Variants in ATRX observed in about 807,000 individuals in gnomAD.
The protein encoded by ATRX is chromatin remodeler ATRX.
In ATRX, 12 loss-of-function variants were observed where a neutral mutation model predicts 172.6. The ratio of observed to expected loss-of-function variants is 0.07; its 90% CI spans 0.04 to 0.11. ATRX has a LOEUF of 0.11. ATRX is among the 10% of genes least tolerant of loss of function. The pLI, the probability that ATRX is intolerant of heterozygous loss-of-function variation, is 1.00. For synonymous variants in ATRX, 674 were observed against 594.7 expected, an observed-to-expected ratio of 1.13 and a Z score of -1.94; for missense variants, 1,368 against 1,767.4, an observed-to-expected ratio of 0.77 and a Z score of 4.05.
intron 30 of ATRX, among the ~76,000 whole-genome samples, chrX:77,539,779 C>T (rs2063898849): frequency 8.9e-6 from 1 of 111,750 alleles, no homozygotes; most frequent in African/African-American, 3.3e-5. Flanking sequence ...GAGATTTTGT[C>T]ACCACCAGGC....
In ATRX at chrX:77,508,415, A is replaced by G; in HGVS notation, c.7415T>C (p.Leu2472Ser). 1 of 1,211,605 alleles carries G rather than the reference A, an allele frequency of 8.3e-7. No homozygotes were observed. The highest frequency in any genetic ancestry group is 1.1e-6 in the Non-Finnish European group (1 of 895,307). The change falls in exon 35 of 35, where the codon TTA becomes TCA. Residue 2472 changes from leucine to serine, a missense_variant. Coordinates refer to ENST00000373344, the MANE Select transcript of ATRX (RefSeq NM_000489.6). ...PVAGGMQPPPLQRAPPPMRSK... is the reference protein window; with the variant it reads ...PVAGGMQPPPSQRAPPPMRSK... The stretch of plus-strand genomic sequence containing the variant: ...TCTCATTGGGGGTGGTGCACGCTGT[A>G]ATGGTGGTGGCTGCATACCACCAGC...
intron 1 of ATRX, among the ~76,000 whole-genome samples, chrX:77,770,044 A>C (rs951981966): frequency 9.0e-6 from 1 of 111,023 alleles, no homozygotes; most frequent in African/African-American, 3.3e-5. Context: ...AGATTGTGCC[A>C]ATGCACTCCA....
At chrX:77,546,803 C>A (rs2064259417) in intron 30 of ATRX, among the ~76,000 whole-genome samples, 1 of 112,039 alleles carries the variant, frequency 8.9e-6, no homozygotes, top group Non-Finnish European at 1.9e-5. Context: ...CATTTTTAAT[C>A]AAGCCACCAG....
intron 1 of ATRX, among the ~76,000 whole-genome samples, chrX:77,753,363 TCTTTATTAGTCTGG>T (rs2075371399): frequency 9.0e-6 from 1 of 111,560 alleles, no homozygotes; most frequent in African/African-American, 3.3e-5. Flanking sequence ...TCTCTTTTCT[TCTTTATTAGTCTGG>T]CTCATGGTCT....
At chrX:77,612,708 A>G (rs2067208277) in intron 22 of ATRX, among the ~76,000 whole-genome samples, 1 of 111,876 alleles carries the variant, frequency 8.9e-6, no homozygotes, top group African/African-American at 3.2e-5. Flanking sequence ...GAACTTTTTC[A>G]TCATTCCAAA....
At chrX:77,671,884 T>C (rs1365085451) in intron 10 of ATRX, among the ~76,000 whole-genome samples, 2 of 110,727 alleles carry the variant, frequency 1.8e-5, no homozygotes, top group Non-Finnish European at 3.8e-5. Context: ...ATCTTGACCA[T>C]AGAAGGACAA....
At chrX:77,633,539 T>C in intron 18 of ATRX, 27 bp downstream of exon 18, 1 of 1,185,818 alleles carries the variant, frequency 8.4e-7, no homozygotes, top group Non-Finnish European at 1.1e-6. Flanking sequence ...ACTATTTTAA[T>C]AATAGAAAAC....
rs1603148139 is a variant in ATRX at position 77,664,657 on chromosome X, G to A, written c.3931C>T (p.Pro1311Ser). The A allele has an allele frequency of 4.1e-6, 5 of 1,210,602 alleles. No individual in the cohort carries two copies. Among genetic ancestry groups the A allele is most frequent in the Non-Finnish European group, 5.6e-6 (5 of 894,989 alleles). ...CTGGGGAGCTCACCCTCATCTCCTG[G>A]GTTTTCTTCATTTTGTTTTCCAGTT... ...KRTGKQNEEN[P>S]GDEEAKNQVN... The change falls in exon 11 of 35, where the codon CCA becomes TCA. Residue 1311 changes from proline to serine, a missense_variant. Transcript: ENST00000373344.
intron 27 of ATRX, among the ~76,000 whole-genome samples, chrX:77,582,127 C>T (rs187758429): frequency 2.6e-4 from 29 of 111,362 alleles, no homozygotes; most frequent in Middle Eastern, 4.7e-3. Flanking sequence ...AGGCTGGTCG[C>T]GGTGGCTCAT....
intron 30 of ATRX, among the ~76,000 whole-genome samples, chrX:77,525,960 C>T: frequency 8.9e-6 from 1 of 112,190 alleles, no homozygotes; most frequent in East Asian, 2.8e-4. Flanking sequence ...TACACAAACT[C>T]ATATACAGCC....
At chrX:77,548,137 C>T (rs1163187069) in intron 30 of ATRX, among the ~76,000 whole-genome samples, 1 of 111,470 alleles carries the variant, frequency 9.0e-6, no homozygotes, top group African/African-American at 3.3e-5. Flanking sequence ...CCTAAGATTA[C>T]ATCTGAAAAG....
At chrX:77,727,095 G>A (rs891613390) in intron 1 of ATRX, among the ~76,000 whole-genome samples, 8 of 111,446 alleles carry the variant, frequency 7.2e-5, no homozygotes, top group South Asian at 3.8e-4. Flanking sequence ...AGCATCACTG[G>A]TCATTAGAGA....
At chrX:77,596,493 G>A (rs1335949937) in intron 25 of ATRX, 2 of 110,100 alleles carry the variant, frequency 1.8e-5, no homozygotes, top group Non-Finnish European at 3.8e-5. Context: ...TACTATACAC[G>A]TATATAAGCT....
At chrX:77,639,464 C>T (rs2068548620) in intron 15 of ATRX, among the ~76,000 whole-genome samples, 1 of 111,677 alleles carries the variant, frequency 9.0e-6, no homozygotes, top group East Asian at 2.8e-4. Flanking sequence ...ATCTTAATTT[C>T]GGCTTGGTGG....
At chrX:77,737,315 C>T (rs1468468636) in intron 1 of ATRX, among the ~76,000 whole-genome samples, 3 of 104,617 alleles carry the variant, frequency 2.9e-5, no homozygotes, top group Admixed American at 2.1e-4. Flanking sequence ...CCCAGCTACT[C>T]GGGAGGCTGA....
At chrX:77,754,232 CTT>C (rs2075408715) in intron 1 of ATRX, among the ~76,000 whole-genome samples, 1 of 110,336 alleles carries the variant, frequency 9.1e-6, no homozygotes, top group Non-Finnish European at 1.9e-5. Flanking sequence ...CTATGTGTGT[CTT>C]TGCACATCAG....
rs954138843 is a variant in ATRX at position 77,511,701 on chromosome X, T to C, written c.7201-3072A>G. Among the ~76,000 whole-genome samples, 5 of 111,904 alleles carry C rather than the reference T, an allele frequency of 4.5e-5. 1 individual carries two copies. The highest frequency in any genetic ancestry group is 5.6e-4 in the East Asian group (2 of 3,564). On this transcript the variant is annotated intron_variant, in intron 34 of 34. Transcript: ENST00000373344. ...GAAGAATGTATTAAGAGTCTCTTAA[T>C]AGCAGAACCGATCAAGGAGAAGAAA...
chrX:77,757,400 A>G (rs2075544085), intron 1 of ATRX, among the ~76,000 whole-genome samples: 2 of 112,081 alleles, frequency 1.8e-5, no homozygotes, highest in African/African-American at 6.5e-5. Context: ...TTTATTCCAA[A>G]GGATTGGAGA....
At chrX:77,718,884 T>C (rs1265952960) in intron 1 of ATRX, among the ~76,000 whole-genome samples, 2 of 111,477 alleles carry the variant, frequency 1.8e-5, no homozygotes, top group African/African-American at 6.5e-5. Context: ...TCCTCCCGCC[T>C]CAGCATCTTG....
Sources: allele counts gnomAD v4.1 joint callset (sites outside exome capture counted in the v4.1 genomes callset), GRCh38; gene constraint gnomAD v4.1.1; transcripts MANE v1.5; gene names NCBI Gene and HGNC (gene_info 2026-07-23, HGNC 2026-07-21).